The following ZNF280C variants were observed in gnomAD, a reference collection of about 807,000 sequenced individuals.
The protein encoded by ZNF280C is suppressor of hairy wing homolog 3.
Under a neutral mutation model 53.6 loss-of-function variants are expected in ZNF280C, and 14 were observed. That is an observed-to-expected ratio of 0.26 (90% CI 0.17 to 0.41). ZNF280C has a LOEUF of 0.41. Among genes scored for constraint, ZNF280C ranks in the 10% least tolerant of loss-of-function variants. The pLI is 1.00. For synonymous variants in ZNF280C, 203 were observed against 181.1 expected, an observed-to-expected ratio of 1.12 and a Z score of -0.97; for missense variants, 416 against 547.1, an observed-to-expected ratio of 0.76 and a Z score of 2.39.
chrX:130,260,005 A>G (rs963999231), intron 2 of ZNF280C, among the ~76,000 whole-genome samples: 1 of 110,588 alleles, frequency 9.0e-6, no homozygotes, highest in Non-Finnish European at 1.9e-5. Context: ...TAAACAGGCC[A>G]GGTGCGGTGG....
rs1213397394 is a variant in ZNF280C, at chrX:130,236,198, T to C, written c.771+16A>G. The C allele has an allele frequency of 2.7e-6, 3 of 1,125,937 alleles. No homozygotes were observed. The highest frequency in any genetic ancestry group is 6.0e-5 in the East Asian group (2 of 33,083). The allele number at this position is 1,125,937 out of a possible 1,213,427, so 92.8% of individuals were successfully genotyped here. A position where few individuals can be genotyped will look rare whatever the true frequency, so the allele number is the denominator to read the frequency against. On this transcript the variant is annotated intron_variant, in intron 8 of 18. Transcript: ENST00000370978. ...ATAAAACATTTTTAACAATTGAACTTTGAAAAAAGTTTTACCTTCATGTGG... is the reference window on the plus strand; with the variant it reads ...ATAAAACATTTTTAACAATTGAACTCTGAAAAAAGTTTTACCTTCATGTGG...
At position 130,225,665 on chromosome X, in the gene ZNF280C, T is replaced by TAA. The variant is rs369564290; in HGVS notation, c.1395+1092_1395+1093dup. On this transcript the variant is annotated intron_variant, in intron 12 of 18. Transcript: ENST00000370978. ...TTAAGGGTGAGATGGCCTACCAGGA[T>TAA]AAAAAAAAAAAAAAAAGACACTGAT... 3.6e-3 allele frequency among the ~76,000 whole-genome samples: 305 copies of TAA among 83,755 alleles called. 2 individuals carry two copies. Among genetic ancestry groups the TAA allele is most frequent in the African/African-American group, 9.5e-3 (226 of 23,904 alleles). 72.7% of individuals were successfully genotyped at this position (83,755 alleles called of 115,157 possible).
chrX:130,259,730 C>T (rs2032610239), intron 2 of ZNF280C, among the ~76,000 whole-genome samples: 3 of 112,265 alleles, frequency 2.7e-5, no homozygotes, highest in East Asian at 5.6e-4. Context: ...CAGTGGCTCA[C>T]GCCTGTAATC....
chrX:130,258,980 T>G (rs2032602265), intron 2 of ZNF280C, among the ~76,000 whole-genome samples: 2 of 111,923 alleles, frequency 1.8e-5, no homozygotes, highest in Non-Finnish European at 3.8e-5. Context: ...TATTAATAAG[T>G]ATCTAACTTC....
intron 2 of ZNF280C, among the ~76,000 whole-genome samples, chrX:130,247,960 C>G (rs1226258572): frequency 9.3e-6 from 1 of 107,205 alleles, no homozygotes; most frequent in Non-Finnish European, 1.9e-5. Flanking sequence ...AAGTTCTGAC[C>G]CAAATCAGAT....
intron 16 of ZNF280C, 44 bp from the exon 17 acceptor site, chrX:130,205,459 T>A (rs758708795): frequency 2.2e-6 from 2 of 921,965 alleles, no homozygotes; most frequent in Non-Finnish European, 3.1e-6. Context: ...TTATCATTTA[T>A]GAAAATCCAT....
At chrX:130,209,243 A>C (rs907474434) in intron 16 of ZNF280C, among the ~76,000 whole-genome samples, 3 of 112,067 alleles carry the variant, frequency 2.7e-5, no homozygotes, top group Non-Finnish European at 5.6e-5. Flanking sequence ...GTTGATTCTG[A>C]GCTAAATGTG....
At chrX:130,235,431 C>T (rs1231295472) in intron 8 of ZNF280C, among the ~76,000 whole-genome samples, 1 of 111,766 alleles carries the variant, frequency 8.9e-6, no homozygotes, top group Admixed American at 9.5e-5. Context: ...GGAGAATCGC[C>T]TGAACTGGAG....
intron 13 of ZNF280C, among the ~76,000 whole-genome samples, chrX:130,217,920 C>A (rs2032121786): frequency 8.9e-6 from 1 of 111,944 alleles, no homozygotes; most frequent in East Asian, 2.8e-4. Context: ...CCTGTAACCC[C>A]AGCACTTTGG....
chrX:130,213,756 A>G (rs1393785479), intron 15 of ZNF280C, among the ~76,000 whole-genome samples: 1 of 111,642 alleles, frequency 9.0e-6, no homozygotes, highest in East Asian at 2.8e-4. Flanking sequence ...ACAACAAAGC[A>G]GAAAGGGATG....
At chrX:130,216,890 C>T (rs1488128478) in intron 13 of ZNF280C, among the ~76,000 whole-genome samples, 3 of 111,296 alleles carry the variant, frequency 2.7e-5, no homozygotes, top group Admixed American at 9.5e-5. Flanking sequence ...ATCCCAGCTA[C>T]TCGGGAGGCT....
Position 130,252,766 on chromosome X carries a change from C to A in ZNF280C, c.32-5761G>T, listed in dbSNP as rs757874013. Among the ~76,000 whole-genome samples, 75 of 110,605 alleles carry A rather than the reference C, an allele frequency of 6.8e-4. 1 individual carries two copies. The highest frequency in any genetic ancestry group is 1.3e-3 in the Non-Finnish European group (68 of 52,913). On this transcript the variant is annotated intron_variant, in intron 2 of 18. Transcript: ENST00000370978. The stretch of plus-strand genomic sequence containing the variant: ...AACTAGGTATTAAAGGAACATACCT[C>A]AAAATAATAAGGGCCATCTATGACA...
chrX:130,221,430 C>T lies in ZNF280C; in HGVS notation c.1396-950G>A, dbSNP rs375556884. On this transcript the variant is annotated intron_variant, in intron 12 of 18. Coordinates refer to ENST00000370978, the MANE Select transcript of ZNF280C (RefSeq NM_017666.5). ...GCTTTAAATAGCATCCACCCACCGCCTACTTGACATCTCTTGATGTCTAAT... is the reference window on the plus strand; with the variant it reads ...GCTTTAAATAGCATCCACCCACCGCTTACTTGACATCTCTTGATGTCTAAT... 7.8e-4 allele frequency among the ~76,000 whole-genome samples: 87 copies of T among 111,711 alleles called. 3 individuals are homozygous for T. In the South Asian group the frequency reaches 0.03, roughly 38 times the overall value.
chrX:130,209,736 C>T (rs1308148740), intron 15 of ZNF280C, 21 bp from the exon 16 acceptor site: 1 of 1,166,138 alleles, frequency 8.6e-7, no homozygotes, highest in Non-Finnish European at 1.2e-6. Context: ...ACGAGACAAA[C>T]AAGATTTTAT....
chrX:130,254,607 G>A (rs1370741998), intron 2 of ZNF280C, among the ~76,000 whole-genome samples: 1 of 111,925 alleles, frequency 8.9e-6, no homozygotes, highest in East Asian at 2.8e-4. Flanking sequence ...GTCCTTTGCA[G>A]GAACATGGAT....
In ZNF280C at chrX:130,254,992, A is replaced by C. The variant is rs188049664; in HGVS notation, c.31+5427T>G. ...ATAAACATCTTTAGACAGATAAGAC[A>C]ACGATATTATATAAAGACAGCCAAA... On this transcript the variant is annotated intron_variant, in intron 2 of 18. Coordinates refer to ENST00000370978, the MANE Select transcript of ZNF280C (RefSeq NM_017666.5). 1.4e-3 allele frequency among the ~76,000 whole-genome samples: 149 copies of C among 109,346 alleles called. 1 individual carries two copies. The highest frequency in any genetic ancestry group is 2.4e-3 in the Non-Finnish European group (128 of 52,588). The allele number at this position is 109,346 out of a possible 115,157, so 95.0% of individuals were successfully genotyped here.
chrX:130,266,327 A>G (rs1336657443), intron 1 of ZNF280C, among the ~76,000 whole-genome samples: 1 of 111,781 alleles, frequency 8.9e-6, no homozygotes, highest in Non-Finnish European at 1.9e-5. Context: ...GATGGTTACC[A>G]GAGACTTGGG....
intron 1 of ZNF280C, among the ~76,000 whole-genome samples, chrX:130,267,769 C>G (rs769127158): frequency 6.5e-4 from 73 of 111,971 alleles, no homozygotes; most frequent in African/African-American, 2.3e-3. Context: ...GAGACTTTTG[C>G]AGTTTAAAAC....
chrX:130,203,094 A>C lies in ZNF280C; in HGVS notation c.*1883T>G, dbSNP rs1055105442. The C allele has an allele frequency of 6.3e-5, 7 of 111,793 alleles. No individual in the cohort carries two copies. Among genetic ancestry groups the C allele is most frequent in the Non-Finnish European group, 1.3e-4 (7 of 53,179 alleles). The allele number at this position is 111,793 out of a possible 1,213,427, so 9.2% of individuals were successfully genotyped here. On this transcript the variant is annotated 3_prime_UTR_variant, in exon 19 of 19. Coordinates refer to ENST00000370978, the MANE Select transcript of ZNF280C (RefSeq NM_017666.5). ...TAGGCCCAAGACAGAGCATGTAATA[A>C]TGTCTAATGGTCTGGACAAGTATGA...
Sources: allele counts gnomAD v4.1 joint callset (sites outside exome capture counted in the v4.1 genomes callset), GRCh38; gene constraint gnomAD v4.1.1; transcripts MANE v1.5; gene names NCBI Gene and HGNC (gene_info 2026-07-23, HGNC 2026-07-21).